MDN1: variants seen among roughly 807,000 people sequenced by gnomAD.
MDN1 encodes midasin.
Under a neutral mutation model 669.2 loss-of-function variants are expected in MDN1, and 266 were observed. That is an observed-to-expected ratio of 0.40 (90% CI 0.36 to 0.44). The LOEUF is 0.44. Ranked by LOEUF, MDN1 falls within the 20% of genes least tolerant of loss-of-function variation. The pLI is 1.00. For missense variants in MDN1, 5,940 were observed against 6,754.0 expected (o/e 0.88, Z 4.22); for synonymous variants, 2,385 against 2,457.1 (o/e 0.97, Z 0.87).
rs1327053958 is a variant in MDN1, at chr6:89,794,786, A to G, written c.345T>C (p.Tyr115=). Reference sequence around the variant, plus strand: ...GAAAGACTGGGGATGTGTCCTTGAAATATCTCAGGGCAAACCTTCAAACAC... The same window carrying G: ...GAAAGACTGGGGATGTGTCCTTGAAGTATCTCAGGGCAAACCTTCAAACAC... ...HPDVLPFALR[Y]FKDTSPVFQR... is the part of the protein sequence containing the mutation. Residue 115 remains tyrosine, a synonymous_variant, in exon 3 of 102, where the codon TAT becomes TAC. Transcript: ENST00000369393. 1 of 1,614,134 alleles carries G rather than the reference A, an allele frequency of 6.2e-7. No individual in the cohort carries two copies. The highest frequency in any genetic ancestry group is 2.2e-5 in the East Asian group (1 of 44,892).
intron 5 of MDN1, among the ~76,000 whole-genome samples, chr6:89,793,386 T>C (rs1441654154): frequency 6.6e-6 from 1 of 152,126 alleles, no homozygotes; most frequent in African/African-American, 2.4e-5. Context: ...GTTAAAGGCA[T>C]CACACAGGAA....
In MDN1 at chr6:89,700,146, C is replaced by A. The variant is rs1391946782; in HGVS notation, c.8787G>T (p.Gln2929His). The stretch of plus-strand genomic sequence containing the variant: ...CCAGGTACTCCATTGCAGGCCACAA[C>A]TGAACACTCCTGGTGAGGTGGATTA... Reference protein sequence around the residue: ...TSVIHLTRSVQLWPAMEYLAM... With the variant: ...TSVIHLTRSVHLWPAMEYLAM... The change falls in exon 57 of 102, where the codon CAG (glutamine) becomes CAT (histidine). Residue 2929 changes from glutamine to histidine, a missense_variant. Around this residue, in one of 5 missense-constraint regions of MDN1, gnomAD observed 2,292 missense variants for 2,638.3 expected, o/e 0.87. Transcript: ENST00000369393. The A allele has an allele frequency of 1.2e-6, 2 of 1,614,208 alleles. No individual in the cohort carries two copies. Among genetic ancestry groups the A allele is most frequent in the African/African-American group, 1.3e-5 (1 of 75,042 alleles).
At chr6:89,795,855 C>T (rs955297947) in intron 2 of MDN1, among the ~76,000 whole-genome samples, 4 of 151,632 alleles carry the variant, frequency 2.6e-5, no homozygotes, top group Admixed American at 6.6e-5. Context: ...TTCGGGACGT[C>T]GAGGCGGGAG....
At chr6:89,729,259 A>C in intron 35 of MDN1, 120 bp from the exon 36 acceptor site, 1 of 748,578 alleles carries the variant, frequency 1.3e-6, no homozygotes, top group Non-Finnish European at 2.1e-6. Flanking sequence ...TACCATTTGC[A>C]GTGAAAATGT....
Position 89,700,669 on chromosome 6 carries a change from T to C in MDN1, c.8615A>G (p.Asn2872Ser), listed in dbSNP as rs1813091676. The stretch of plus-strand genomic sequence containing the variant: ...ACCTAGGCTGACATCTTCCAAAATA[T>C]TTGCTCTGAGGATCAGTCCCCAGGC... ...LQAWGLILRA[N>S]ILEDVSLDEL... Residue 2872 changes from asparagine to serine, a missense_variant, in exon 56 of 102, where the codon AAT becomes AGT. By Grantham distance (46) the Asn-to-Ser change is conservative (BLOSUM62 1). Around this residue, in one of 5 missense-constraint regions of MDN1, gnomAD observed 2,292 missense variants for 2,638.3 expected, o/e 0.87. Transcript: ENST00000369393. The C allele has an allele frequency of 1.9e-6, 3 of 1,614,212 alleles. No individual in the cohort carries two copies.
At chr6:89,814,193 T>C (rs990745617) in intron 1 of MDN1, among the ~76,000 whole-genome samples, 4 of 152,254 alleles carry the variant, frequency 2.6e-5, no homozygotes, top group Middle Eastern at 3.4e-3. Context: ...GTTCAGGCCA[T>C]GCTGGGAATG....
chr6:89,792,476 A>T (rs577200166), intron 5 of MDN1, among the ~76,000 whole-genome samples: 2 of 152,166 alleles, frequency 1.3e-5, no homozygotes, highest in South Asian at 4.2e-4. Flanking sequence ...CCTAAACATA[A>T]TCTAGGTTGG....
At chr6:89,651,371 C>T (rs897651839) in intron 95 of MDN1, among the ~76,000 whole-genome samples, 1 of 149,178 alleles carries the variant, frequency 6.7e-6, no homozygotes, top group Non-Finnish European at 1.5e-5. Context: ...GGCCCGTAAT[C>T]AGCACTTTGG....
chr6:89,790,120 A>C (rs773678253), intron 6 of MDN1, 39 bp downstream of exon 6: 1 of 1,612,406 alleles, frequency 6.2e-7, no homozygotes, highest in East Asian at 2.2e-5. Flanking sequence ...AATATTTACA[A>C]GCATGACAAG....
chr6:89,758,217 T>C (rs1469889459), intron 19 of MDN1, 38 bp downstream of exon 19: 4 of 1,522,490 alleles, frequency 2.6e-6, no homozygotes, highest in Non-Finnish European at 3.6e-6. Flanking sequence ...CAAGAACCTG[T>C]TGCAAAAAAG....
chr6:89,728,878 C>G (rs1312620654), intron 36 of MDN1, 53 bp downstream of exon 36: 2 of 1,522,412 alleles, frequency 1.3e-6, no homozygotes, highest in African/African-American at 1.4e-5. Context: ...TAAATTGACA[C>G]AGACATTACT....
intron 33 of MDN1, among the ~76,000 whole-genome samples, chr6:89,734,071 G>C (rs940708094): frequency 6.6e-6 from 1 of 151,694 alleles, no homozygotes; most frequent in African/African-American, 2.4e-5. Context: ...GATCACTAGA[G>C]GCCAGGAGTT....
chr6:89,810,220 G>A (rs1768318378), intron 1 of MDN1, among the ~76,000 whole-genome samples: 1 of 151,870 alleles, frequency 6.6e-6, no homozygotes, highest in African/African-American at 2.4e-5. Flanking sequence ...TGGATCACCT[G>A]AGGTCAGGAG....
In MDN1 at chr6:89,750,416, T is replaced by A; in HGVS notation, c.3344A>T (p.Asp1115Val). The change falls in exon 24 of 102, where the codon GAT (aspartate) becomes GTT (valine). Residue 1115 changes from aspartate (D) to valine (V), a missense_variant. Physicochemically the swap from Asp to Val is radical, Grantham distance 152 (BLOSUM62 -3). This residue lies in a region of MDN1 where 2,292 missense variants were observed against 2,638.3 expected (regional missense o/e 0.87). Coordinates refer to ENST00000369393, the MANE Select transcript of MDN1 (RefSeq NM_014611.3). ...CVRINNHEHT[D>V]IQEYIGCYTS... ...GTAACAACCAATGTACTCCTGAATA[T>A]CCGTGTGTTCGTGATTATTAATACG... 8.7e-6 allele frequency: 14 copies of A among 1,614,030 alleles called. No individual in the cohort carries two copies. Among genetic ancestry groups the A allele is most frequent in the Non-Finnish European group, 1.2e-5 (14 of 1,179,908 alleles).
In MDN1 at chr6:89,796,341, A is replaced by AC. The variant is rs1554199822; in HGVS notation, c.330-1541_330-1540insG. Among the ~76,000 whole-genome samples the AC allele has an allele frequency of 9.7e-4, 107 of 110,224 alleles. 5 individuals carry two copies. The highest frequency in any genetic ancestry group is 3.9e-3 in the African/African-American group (103 of 26,510). 72.3% of individuals were successfully genotyped at this position (110,224 alleles called of 152,430 possible). A position where few individuals can be genotyped will look rare whatever the true frequency, so the allele number is the denominator to read the frequency against. Reference sequence around the variant, plus strand: ...CTCTGTCTCAAAAAAAAAAAAAAAAAAAAAAAAAACAAAAAAAAAAACCAA... The same window carrying AC: ...CTCTGTCTCAAAAAAAAAAAAAAAAACAAAAAAAAACAAAAAAAAAAACCAA... On this transcript the variant is annotated intron_variant, in intron 2 of 101. Coordinates refer to ENST00000369393, the MANE Select transcript of MDN1 (RefSeq NM_014611.3).
intron 8 of MDN1, among the ~76,000 whole-genome samples, chr6:89,786,743 T>C (rs183787172): frequency 1.4e-3 from 219 of 151,892 alleles, no homozygotes; most frequent in African/African-American, 4.9e-3. Flanking sequence ...CTGGCCAACA[T>C]GGTGAAACCC....
chr6:89,788,856 T>A (rs1323624316), intron 7 of MDN1, among the ~76,000 whole-genome samples: 1 of 152,200 alleles, frequency 6.6e-6, no homozygotes, highest in Admixed American at 6.5e-5. Context: ...CCGGGCGCGG[T>A]GGCTCACGCC....
Position 89,720,974 on chromosome 6 carries a change from A to T in MDN1, c.5968-1749T>A, listed in dbSNP as rs117071625. On this transcript the variant is annotated intron_variant, in intron 40 of 101. Transcript: ENST00000369393. ...ACACGGCAAGACCACATCTCTATTAAAAGTAAAAACAAATTAGCCATGCCT... is the reference window on the plus strand; with the variant it reads ...ACACGGCAAGACCACATCTCTATTATAAGTAAAAACAAATTAGCCATGCCT... Among the ~76,000 whole-genome samples, 34 of 152,288 alleles carry T rather than the reference A, an allele frequency of 2.2e-4. No individual in the cohort carries two copies. In the East Asian group the frequency reaches 4.8e-3, roughly 22 times the overall value.
chr6:89,800,759 T>A (rs147760684), intron 2 of MDN1, among the ~76,000 whole-genome samples: 1 of 152,240 alleles, frequency 6.6e-6, no homozygotes, highest in East Asian at 1.9e-4. Flanking sequence ...GACTTGAGAT[T>A]GGTGTCTAGA....
Sources: allele counts gnomAD v4.1 joint callset (sites outside exome capture counted in the v4.1 genomes callset), GRCh38; gene constraint gnomAD v4.1.1; regional missense constraint gnomAD v4.1.1; transcripts MANE v1.5; gene names NCBI Gene and HGNC (gene_info 2026-07-23, HGNC 2026-07-21).